The following DCLK3 variants were observed in gnomAD, a reference collection of about 807,000 sequenced individuals.
DCLK3 encodes doublecortin like kinase 3.
In DCLK3, 30 loss-of-function variants were observed where a neutral mutation model predicts 46.4. The observed-to-expected ratio is 0.65, with a 90% CI of 0.48 to 0.88. DCLK3 has a LOEUF of 0.88. Ranked by LOEUF, DCLK3 falls within the 40% of genes least tolerant of loss-of-function variation. The pLI, the probability that DCLK3 is intolerant of heterozygous loss-of-function variation, is 0.00. For synonymous variants in DCLK3, 401 were observed against 339.2 expected, an observed-to-expected ratio of 1.18 and a Z score of -2.00; for missense variants, 846 against 907.1, an observed-to-expected ratio of 0.93 and a Z score of 0.87.
chr3:36,733,754 T>C (rs947210236), intron 2 of DCLK3, among the ~76,000 whole-genome samples: 2 of 152,228 alleles, frequency 1.3e-5, no homozygotes, highest in African/African-American at 4.8e-5. Flanking sequence ...ACCATCATCT[T>C]ATCAGGAAAT....
At chr3:36,761,699 G>T (rs1193508795) in intron 1 of DCLK3, among the ~76,000 whole-genome samples, 1 of 152,096 alleles carries the variant, frequency 6.6e-6, no homozygotes, top group Non-Finnish European at 1.5e-5. Context: ...TCAAGCAAGA[G>T]CCTCCAACTA....
intron 1 of DCLK3, among the ~76,000 whole-genome samples, chr3:36,743,974 A>G (rs1395232476): frequency 1.3e-5 from 2 of 152,210 alleles, no homozygotes; most frequent in Non-Finnish European, 2.9e-5. Context: ...TCATTCATTA[A>G]AGCAAAATTT....
intron 2 of DCLK3, among the ~76,000 whole-genome samples, chr3:36,725,496 G>A (rs1575136803): frequency 1.3e-5 from 2 of 151,628 alleles, no homozygotes; most frequent in African/African-American, 4.8e-5. Flanking sequence ...GCATGCCTGT[G>A]GTCCCAGCTA....
chr3:36,729,133 C>T (rs1270078102), intron 2 of DCLK3, among the ~76,000 whole-genome samples: 3 of 152,060 alleles, frequency 2.0e-5, no homozygotes, highest in East Asian at 1.9e-4. Context: ...TCAGGACTCT[C>T]GGCTGACCAG....
At chr3:36,736,396 A>T (rs1016382029) in intron 2 of DCLK3, among the ~76,000 whole-genome samples, 4 of 152,168 alleles carry the variant, frequency 2.6e-5, no homozygotes, top group African/African-American at 9.7e-5. Context: ...TCTTATTTTT[A>T]TCTGCATTTG....
chr3:36,762,638 C>G (rs1262826634), intron 1 of DCLK3, among the ~76,000 whole-genome samples: 8 of 152,166 alleles, frequency 5.3e-5, no homozygotes, highest in Non-Finnish European at 1.2e-4. Context: ...TTCCCAGGCA[C>G]TCCCTGTTCT....
At chr3:36,742,240 A>G (rs1701351214) in intron 1 of DCLK3, among the ~76,000 whole-genome samples, 1 of 152,158 alleles carries the variant, frequency 6.6e-6, no homozygotes, top group African/African-American at 2.4e-5. Context: ...TGAGTGTGGT[A>G]ATGGATGACT....
intron 4 of DCLK3, 134 bp from the exon 5 acceptor site, chr3:36,715,655 G>A (rs1700969435): frequency 5.7e-6 from 5 of 872,946 alleles, no homozygotes; most frequent in Admixed American, 3.4e-5. Flanking sequence ...ATATTCTAGA[G>A]CAGCACAGTC....
At chr3:36,719,591 C>T (rs774411805) in intron 3 of DCLK3, among the ~76,000 whole-genome samples, 3 of 152,148 alleles carry the variant, frequency 2.0e-5, no homozygotes, top group African/African-American at 7.2e-5. Context: ...TTCTCTCATC[C>T]CTGAGCTCTT....
intron 1 of DCLK3, among the ~76,000 whole-genome samples, chr3:36,748,424 GAGAGGAGGACC>G (rs1225693213): frequency 6.6e-6 from 1 of 152,186 alleles, no homozygotes; most frequent in Non-Finnish European, 1.5e-5. Context: ...ACAGCAGAGT[GAGAGGAGGACC>G]AGCCACCTGC....
At chr3:36,747,548 A>T (rs373269265) in intron 1 of DCLK3, among the ~76,000 whole-genome samples, 4 of 152,168 alleles carry the variant, frequency 2.6e-5, no homozygotes, top group Non-Finnish European at 5.9e-5. Flanking sequence ...TATTCCTCTC[A>T]GAGCCATCTC....
intron 2 of DCLK3, among the ~76,000 whole-genome samples, chr3:36,735,181 CAG>C (rs1187687349): frequency 6.6e-6 from 1 of 152,188 alleles, no homozygotes; most frequent in East Asian, 1.9e-4. Flanking sequence ...GTGAAAGAAG[CAG>C]AGAGTTGTTA....
In DCLK3 at chr3:36,713,472, G is replaced by A. The variant is rs1700937546; in HGVS notation, c.*1856C>T. The A allele has an allele frequency of 6.6e-6, 1 of 152,218 alleles. No individual in the cohort carries two copies. 9.4% of individuals were successfully genotyped at this position (152,218 alleles called of 1,614,324 possible). On this transcript the variant is annotated 3_prime_UTR_variant, in exon 5 of 5. Coordinates refer to ENST00000636136, the MANE Select transcript of DCLK3 (RefSeq NM_001394672.2). ...AGCCTCTTTCACGTGTTCAGAATGAGTCCCATTACACTGCCTGCTGGGCAG... is the reference window on the plus strand; with the variant it reads ...AGCCTCTTTCACGTGTTCAGAATGAATCCCATTACACTGCCTGCTGGGCAG...
intron 4 of DCLK3, 129 bp downstream of exon 4, chr3:36,717,881 G>T: frequency 8.2e-7 from 1 of 1,220,450 alleles, no homozygotes; most frequent in Non-Finnish European, 1.2e-6. Flanking sequence ...AAGCTACTGA[G>T]GAAGTAAAGG....
chr3:36,715,237 G>A lies in DCLK3; in HGVS notation c.*91C>T. On this transcript the variant is annotated 3_prime_UTR_variant, in exon 5 of 5. Coordinates refer to ENST00000636136, the MANE Select transcript of DCLK3 (RefSeq NM_001394672.2). ...CCCTCTGATTCACCAATTATGTGAAGAAGCCTCTTTCATTGTTTTTCTCTC... is the reference window on the plus strand; with the variant it reads ...CCCTCTGATTCACCAATTATGTGAAAAAGCCTCTTTCATTGTTTTTCTCTC... The A allele has an allele frequency of 7.0e-7, 1 of 1,418,540 alleles. No homozygotes were observed. The highest frequency in any genetic ancestry group is 1.4e-5 in the South Asian group (1 of 71,894). The allele number at this position is 1,418,540 out of a possible 1,614,324, so 87.9% of individuals were successfully genotyped here. A position where few individuals can be genotyped will look rare whatever the true frequency, so the allele number is the denominator to read the frequency against.
At chr3:36,750,415 G>A (rs1701429867) in intron 1 of DCLK3, among the ~76,000 whole-genome samples, 1 of 152,180 alleles carries the variant, frequency 6.6e-6, no homozygotes, top group Admixed American at 6.5e-5. Flanking sequence ...TTCTCAAGAA[G>A]AAATAAATAA....
At chr3:36,727,070 G>A (rs1701132661) in intron 2 of DCLK3, among the ~76,000 whole-genome samples, 1 of 152,108 alleles carries the variant, frequency 6.6e-6, no homozygotes, top group Admixed American at 6.5e-5. Flanking sequence ...ATCACTTGAG[G>A]TCAGGAGTTT....
intron 1 of DCLK3, among the ~76,000 whole-genome samples, chr3:36,760,720 A>G (rs1012380659): frequency 2.6e-5 from 4 of 152,238 alleles, no homozygotes; most frequent in Non-Finnish European, 2.9e-5. Context: ...ATCAGAATCT[A>G]TATTTTAATA....
intron 1 of DCLK3, among the ~76,000 whole-genome samples, chr3:36,763,023 T>C (rs1014473642): frequency 2.0e-5 from 3 of 152,194 alleles, no homozygotes; most frequent in Non-Finnish European, 4.4e-5. Context: ...TTGCTGTAGA[T>C]GCCTCATTGA....
Sources: allele counts gnomAD v4.1 joint callset (sites outside exome capture counted in the v4.1 genomes callset), GRCh38; gene constraint gnomAD v4.1.1; transcripts MANE v1.5; gene names NCBI Gene and HGNC (gene_info 2026-07-23, HGNC 2026-07-21).